The following NHSL3 variants were observed in gnomAD, a reference collection of about 807,000 sequenced individuals.
The protein encoded by NHSL3 is NHS like 3, also known as NHS-like protein 3.
chr1:32,771,559 T>C, the NHSL3 span: 1 of 1,609,330 alleles, frequency 6.2e-7, no homozygotes, highest in East Asian at 2.2e-5. Flanking sequence ...AGAGGAGGCT[T>C]TTTTCTCTGT....
At chr1:32,760,369 C>T in the NHSL3 span, among the ~76,000 whole-genome samples, 1 of 152,216 alleles carries the variant, frequency 6.6e-6, no homozygotes, top group African/African-American at 2.4e-5. Context: ...GTTGCCAAGA[C>T]AGTGCGTGCG....
At chr1:32,760,615 G>A in the NHSL3 span, among the ~76,000 whole-genome samples, 2 of 146,752 alleles carry the variant, frequency 1.4e-5, no homozygotes, top group East Asian at 2.0e-4. Flanking sequence ...GTTTGAGACC[G>A]AGTGTCACTC....
the NHSL3 span, among the ~76,000 whole-genome samples, chr1:32,744,770 C>T: frequency 5.1e-4 from 78 of 152,322 alleles, no homozygotes; most frequent in Middle Eastern, 0.01. Flanking sequence ...TCTGGCTGGA[C>T]ATTGCCTTGA....
the NHSL3 span, among the ~76,000 whole-genome samples, chr1:32,764,150 C>A: frequency 1.3e-5 from 2 of 152,096 alleles, no homozygotes; most frequent in African/African-American, 4.8e-5. Flanking sequence ...TGTGAACCAC[C>A]ATGCCCAGCC....
chr1:32,746,465 A>G, the NHSL3 span, among the ~76,000 whole-genome samples: 1 of 152,158 alleles, frequency 6.6e-6, no homozygotes, highest in Non-Finnish European at 1.5e-5. Flanking sequence ...GAGAAGTAAC[A>G]GGAAGGCTGC....
chr1:32,770,653 C>T, the NHSL3 span: 72 of 1,524,504 alleles, frequency 4.7e-5, no homozygotes, highest in Non-Finnish European at 5.9e-5. The surrounding 1 kb of genome is among the most constrained non-coding windows in gnomAD (Gnocchi z 8.3). Flanking sequence ...TGTGTCCCTG[C>T]GTAAGCTGAA....
At chr1:32,771,211 A>G in the NHSL3 span, 3 of 1,600,206 alleles carry the variant, frequency 1.9e-6, no homozygotes, top group South Asian at 1.1e-5. Flanking sequence ...CTCCAAGCCC[A>G]GGAGCCCTAA....
chr1:32,756,595 G>C, the NHSL3 span, among the ~76,000 whole-genome samples: 2 of 147,568 alleles, frequency 1.4e-5, no homozygotes, highest in Admixed American at 1.4e-4. Context: ...GGAGGTCAAG[G>C]CTGCAGTGAG....
At chr1:32,769,866 C>G in the NHSL3 span, 2 of 1,611,292 alleles carry the variant, frequency 1.2e-6, no homozygotes, top group Admixed American at 1.7e-5. Flanking sequence ...CCACCTCCTC[C>G]CTGTCCCTTC....
chr1:32,743,600 G>A, the NHSL3 span, among the ~76,000 whole-genome samples: 2 of 152,230 alleles, frequency 1.3e-5, no homozygotes, highest in South Asian at 4.1e-4. Context: ...AGGATGTATT[G>A]TGGTCAGACT....
the NHSL3 span, among the ~76,000 whole-genome samples, chr1:32,748,986 T>C: frequency 1.3e-5 from 2 of 152,186 alleles, no homozygotes; most frequent in Non-Finnish European, 2.9e-5. Context: ...AAGTGTTATA[T>C]ACCAGGCACT....
chr1:32,753,302 T>C, the NHSL3 span, among the ~76,000 whole-genome samples: 2 of 149,702 alleles, frequency 1.3e-5, no homozygotes, highest in Non-Finnish European at 3.0e-5. Context: ...CTGAACAACA[T>C]GGTGAAACCC....
chr1:32,769,666 C>T, the NHSL3 span: 3 of 1,605,756 alleles, frequency 1.9e-6, no homozygotes, highest in Admixed American at 1.7e-5. Flanking sequence ...CCACGACTGG[C>T]CCCCAGGCTC....
the NHSL3 span, among the ~76,000 whole-genome samples, chr1:32,760,528 C>T: frequency 4.0e-5 from 6 of 151,612 alleles, no homozygotes; most frequent in Non-Finnish European, 8.8e-5. Context: ...TGCGGTCGCT[C>T]ATGGGTGAGG....
chr1:32,759,917 C>T, the NHSL3 span, among the ~76,000 whole-genome samples: 1 of 152,202 alleles, frequency 6.6e-6, no homozygotes, highest in Non-Finnish European at 1.5e-5. Flanking sequence ...GTTAGGTGTT[C>T]TGCGAGACAG....
At chr1:32,759,974 G>A in the NHSL3 span, among the ~76,000 whole-genome samples, 69 of 152,358 alleles carry the variant, frequency 4.5e-4, no homozygotes, top group Non-Finnish European at 7.1e-4. Context: ...CCACCTGAAA[G>A]TTTGTTATGC....
chr1:32,757,905 G>A, the NHSL3 span, among the ~76,000 whole-genome samples: 1 of 152,188 alleles, frequency 6.6e-6, no homozygotes. Flanking sequence ...CCGGCCCCGG[G>A]GGATTTGGAC....
At chr1:32,772,780 G>A in the NHSL3 span, 1 of 1,307,914 alleles carries the variant, frequency 7.6e-7, no homozygotes, top group Non-Finnish European at 1.1e-6. Context: ...AAGAAGGTTG[G>A]GTGAGGGTAT....
At chr1:32,741,938 C>T in the NHSL3 span, 1 of 772,096 alleles carries the variant, frequency 1.3e-6, no homozygotes, top group Non-Finnish European at 1.6e-6. This position sits in a 1 kb window ranked among gnomAD's most constrained non-coding sequence, Gnocchi z 4.3. Context: ...CCGCCGCCCG[C>T]TCCGCCCCCG....
Sources: gnomAD v4.1 joint callset for allele counts (sites outside exome capture counted in the v4.1 genomes callset) on GRCh38, gnomAD v4.1.1 for gene constraint, Gnocchi (gnomAD v3.1) non-coding constraint, MANE v1.5 for transcripts, NCBI Gene and HGNC (gene_info 2026-07-23, HGNC 2026-07-21) for gene names.